Variants in OR51I2 observed in about 807,000 individuals in gnomAD.
OR51I2 encodes the protein olfactory receptor family 51 subfamily I member 2.
OR51I2 carries 6 observed loss-of-function variants against 9.3 expected under a neutral mutation model. The observed-to-expected ratio is 0.64, with a 90% CI of 0.35 to 1.27. OR51I2 has a LOEUF of 1.27. Ranked by LOEUF, OR51I2 falls within the 50% of genes most tolerant of loss-of-function variation. The pLI is 0.03. For synonymous variants in OR51I2, 179 were observed against 143.1 expected (o/e 1.25, Z -1.79); for missense variants, 489 against 396.4 (o/e 1.23, Z -1.98).
chr11:5,449,990 T>A (rs751852208), intron 1 of OR51I2, among the ~76,000 whole-genome samples: 1 of 152,152 alleles, frequency 6.6e-6, no homozygotes, highest in Non-Finnish European at 1.5e-5. Flanking sequence ...TCTGCCCCCA[T>A]AACAGCACCA....
At chr11:5,451,613 A>G (rs1160657592) in intron 1 of OR51I2, among the ~76,000 whole-genome samples, 1 of 152,140 alleles carries the variant, frequency 6.6e-6, no homozygotes, top group African/African-American at 2.4e-5. Context: ...GATATTTTAA[A>G]AATGCTTCCT....
chr11:5,453,049 T>C (rs1850881810), intron 1 of OR51I2, among the ~76,000 whole-genome samples: 1 of 152,242 alleles, frequency 6.6e-6, no homozygotes, highest in African/African-American at 2.4e-5. Context: ...AGCAACATTT[T>C]CAAGAAAATA....
chr11:5,452,749 T>G (rs1394058178), intron 1 of OR51I2, among the ~76,000 whole-genome samples: 1 of 152,184 alleles, frequency 6.6e-6, no homozygotes, highest in Non-Finnish European at 1.5e-5. Flanking sequence ...AAGTTTGTAT[T>G]TGGAACAATG....
chr11:5,449,542 G>A (rs1458117060), intron 1 of OR51I2, among the ~76,000 whole-genome samples, 178 bp downstream of exon 1: 2 of 152,158 alleles, frequency 1.3e-5, no homozygotes. Context: ...TGGACTTGGG[G>A]TTCTTGTTCT....
In OR51I2 at chr11:5,454,171, C is replaced by G; in HGVS notation, c.683C>G (p.Thr228Ser). The G allele has an allele frequency of 6.2e-7, 1 of 1,613,612 alleles. No individual in the cohort carries two copies. Among genetic ancestry groups the G allele is most frequent in the African/African-American group, 1.3e-5 (1 of 75,014 alleles). The change falls in exon 2 of 2, where the codon ACT becomes AGT. Residue 228 changes from threonine (T) to serine (S), a missense_variant. Coordinates refer to ENST00000641930, the MANE Select transcript of OR51I2 (RefSeq NM_001004754.3). ...CTCATTCTGCGTTCTGTCATGGCCA[C>G]TGCTTCCCGTGAGGAACGCCTCAAA... Reference protein sequence around the residue: ...YVLILRSVMATASREERLKAL... With the variant: ...YVLILRSVMASASREERLKAL...
rs1016161526 is a variant in OR51I2, at chr11:5,455,571, G to GAGAGAGAAAGAGAA, written c.*1160_*1173dup. 2 of 143,898 alleles carry GAGAGAGAAAGAGAA rather than the reference G, an allele frequency of 1.4e-5. No homozygotes were observed. Among genetic ancestry groups the GAGAGAGAAAGAGAA allele is most frequent in the Non-Finnish European group, 3.0e-5 (2 of 67,630 alleles). The allele number at this position is 143,898 out of a possible 1,614,324, so 8.9% of individuals were successfully genotyped here. A position where few individuals can be genotyped will look rare whatever the true frequency, so the allele number is the denominator to read the frequency against. ...TGGGGGAGAAAGAAGGGGGGAGAGA[G>GAGAGAGAAAGAGAA]AGAGAGAAAGAGAAAGAGAGAAAGA... On this transcript the variant is annotated 3_prime_UTR_variant, in exon 2 of 2. Transcript: ENST00000641930.
At chr11:5,453,025 A>T (rs1364058245) in intron 1 of OR51I2, among the ~76,000 whole-genome samples, 1 of 152,164 alleles carries the variant, frequency 6.6e-6, no homozygotes, top group East Asian at 1.9e-4. Context: ...TTAATTTGTG[A>T]TACATATGAA....
Position 5,453,819 on chromosome 11 carries a change from G to C in OR51I2, c.331G>C (p.Glu111Gln), listed in dbSNP as rs142182221. 6.2e-7 allele frequency: 1 copy of C among 1,614,194 alleles called. No individual in the cohort carries two copies. The highest frequency in any genetic ancestry group is 1.1e-5 in the South Asian group (1 of 91,082). Residue 111 changes from glutamate to glutamine, a missense_variant, in exon 2 of 2, where the codon GAA becomes CAA. Transcript: ENST00000641930. ...MFLIHFFSMMESGILLAMSFD... is the reference protein window; with the variant it reads ...MFLIHFFSMMQSGILLAMSFD... ...TCTTATTCACTTCTTCTCCATGATG[G>C]AATCAGGTATTCTGCTGGCCATGAG...
rs988354568 is a variant in OR51I2 at position 5,455,747 on chromosome 11, A to G, written c.*1320A>G. 3.3e-5 allele frequency: 5 copies of G among 152,172 alleles called. No individual in the cohort carries two copies. Among genetic ancestry groups the G allele is most frequent in the Non-Finnish European group, 7.4e-5 (5 of 68,022 alleles). The allele number at this position is 152,172 out of a possible 1,614,324, so 9.4% of individuals were successfully genotyped here. A position where few individuals can be genotyped will look rare whatever the true frequency, so the allele number is the denominator to read the frequency against. On this transcript the variant is annotated 3_prime_UTR_variant, in exon 2 of 2. Coordinates refer to ENST00000641930, the MANE Select transcript of OR51I2 (RefSeq NM_001004754.3). ...TTCTCTTTGTATTGAGGAAATACCA[A>G]CAAGAGAGAGAGTCAGAAAGAGGGA...
chr11:5,453,583 G>C lies in OR51I2; in HGVS notation c.95G>C (p.Cys32Ser). 6.2e-7 allele frequency: 1 copy of C among 1,613,228 alleles called. No homozygotes were observed. The highest frequency in any genetic ancestry group is 1.3e-5 in the African/African-American group (1 of 75,022). ...CACTCCTGGCTGTCAGGGCCCCTCT[G>C]CGTGATGTATGCTGTGGCCCTTGGG... ...SSHSWLSGPL[C>S]VMYAVALGGN... The change falls in exon 2 of 2, where the codon TGC becomes TCC. Residue 32 changes from cysteine to serine, a missense_variant. Physicochemically the swap from Cys to Ser is moderately radical, Grantham distance 112 (BLOSUM62 -1). Transcript: ENST00000641930.
At chr11:5,450,619 C>A (rs993652620) in intron 1 of OR51I2, among the ~76,000 whole-genome samples, 1 of 152,208 alleles carries the variant, frequency 6.6e-6, no homozygotes, top group South Asian at 2.1e-4. Context: ...GAGACAGGTA[C>A]TTTTGTGTAA....
chr11:5,454,156 G>C lies in OR51I2; in HGVS notation c.668G>C (p.Arg223Pro), dbSNP rs746240729. The C allele has an allele frequency of 1.2e-6, 2 of 1,614,012 alleles. No homozygotes were observed. Among genetic ancestry groups the C allele is most frequent in the East Asian group, 4.5e-5 (2 of 44,874 alleles). ...FIFLSYVLIL[R>P]SVMATASREE... ...TTCCTCTCCTATGTGCTCATTCTGC[G>C]TTCTGTCATGGCCACTGCTTCCCGT... The change falls in exon 2 of 2, where the codon CGT becomes CCT. Residue 223 changes from arginine to proline, a missense_variant. Arg to Pro is a moderately radical substitution (Grantham distance 103, BLOSUM62 -2). Transcript: ENST00000641930.
Position 5,454,364 on chromosome 11 carries a change from T to C in OR51I2, c.876T>C (p.Tyr292=). ...CTCCTGTGCTCAACCCTCTCATTTA[T>C]AGCGCCAAGACAAAGGAAATCCGCC... The part of the protein sequence containing the change: ...FVPPVLNPLI[Y]SAKTKEIRRA... The change falls in exon 2 of 2, where the codon TAT becomes TAC. Residue 292 remains tyrosine, a synonymous_variant. Coordinates refer to ENST00000641930, the MANE Select transcript of OR51I2 (RefSeq NM_001004754.3). 3.7e-6 allele frequency: 6 copies of C among 1,613,902 alleles called. No homozygotes were observed. The highest frequency in any genetic ancestry group is 1.1e-5 in the South Asian group (1 of 91,078).
chr11:5,450,366 A>G (rs1179735333), intron 1 of OR51I2, among the ~76,000 whole-genome samples: 1 of 152,172 alleles, frequency 6.6e-6, no homozygotes, highest in Non-Finnish European at 1.5e-5. Flanking sequence ...TCCACCCTGG[A>G]TGATGGAGCA....
intron 1 of OR51I2, among the ~76,000 whole-genome samples, chr11:5,450,929 A>G (rs1193099823): frequency 1.3e-5 from 2 of 152,150 alleles, no homozygotes; most frequent in Admixed American, 6.5e-5. Context: ...CCCAGAACTT[A>G]AAGTAAAAAA....
rs1271841129 is a variant in OR51I2, at chr11:5,453,690, T to C, written c.202T>C (p.Phe68Leu). The change falls in exon 2 of 2, where the codon TTC (phenylalanine) becomes CTC (leucine). Residue 68 changes from phenylalanine (F) to leucine (L), a missense_variant. Phe to Leu is a conservative substitution (Grantham distance 22, BLOSUM62 0). Coordinates refer to ENST00000641930, the MANE Select transcript of OR51I2 (RefSeq NM_001004754.3). ...PMYYFLSMLS[F>L]SDVAISMATL... ...GTACTACTTCCTGTCCATGTTGTCC[T>C]TCAGTGATGTGGCCATATCCATGGC... 1 of 1,613,786 alleles carries C rather than the reference T, an allele frequency of 6.2e-7. No individual in the cohort carries two copies. The highest frequency in any genetic ancestry group is 1.1e-5 in the South Asian group (1 of 91,032).
In OR51I2 at chr11:5,455,568, A is replaced by AGAGAGAAAGAGAAAGAGAGAG. The variant is rs1554893752; in HGVS notation, c.*1147_*1148insAAGAGAAAGAGAGAGGAGAGA. On this transcript the variant is annotated 3_prime_UTR_variant, in exon 2 of 2. Transcript: ENST00000641930. The stretch of plus-strand genomic sequence containing the variant: ...GATTGGGGGAGAAAGAAGGGGGGAG[A>AGAGAGAAAGAGAAAGAGAGAG]GAGAGAGAGAAAGAGAAAGAGAGAA... 5.9e-5 allele frequency: 8 copies of AGAGAGAAAGAGAAAGAGAGAG among 135,318 alleles called. No individual in the cohort carries two copies. The East Asian group carries it at 8.4e-4, about 14-fold the overall frequency. 8.4% of individuals were successfully genotyped at this position (135,318 alleles called of 1,614,324 possible).
In OR51I2 at chr11:5,455,910, C is replaced by T. The variant is rs1431886937; in HGVS notation, c.*1483C>T. The T allele has an allele frequency of 6.6e-6, 1 of 152,004 alleles. No homozygotes were observed. The highest frequency in any genetic ancestry group is 1.9e-4 in the East Asian group (1 of 5,196). The allele number at this position is 152,004 out of a possible 1,614,324, so 9.4% of individuals were successfully genotyped here. Reference sequence around the variant, plus strand: ...TGCTTTTAGAAGAATGTTTGGATAGCATAACTTAGTATGATTTCCAATGGA... The same window carrying T: ...TGCTTTTAGAAGAATGTTTGGATAGTATAACTTAGTATGATTTCCAATGGA... On this transcript the variant is annotated 3_prime_UTR_variant, in exon 2 of 2. Transcript: ENST00000641930.
chr11:5,451,612 A>G (rs145531074), intron 1 of OR51I2, among the ~76,000 whole-genome samples: 1 of 152,298 alleles, frequency 6.6e-6, no homozygotes, highest in East Asian at 1.9e-4. Context: ...GGATATTTTA[A>G]AAATGCTTCC....
Sources: gnomAD v4.1 joint callset for allele counts (sites outside exome capture counted in the v4.1 genomes callset) on GRCh38, gnomAD v4.1.1 for gene constraint, MANE v1.5 for transcripts, NCBI Gene and HGNC (gene_info 2026-07-23, HGNC 2026-07-21) for gene names.